NBEA: variants seen among roughly 807,000 people sequenced by gnomAD.
NBEA encodes the protein lysosomal-trafficking regulator 2.
A neutral mutation model predicts 343.4 loss-of-function variants in NBEA; 44 were observed. That is an observed-to-expected ratio of 0.13 (90% CI 0.10 to 0.16). The LOEUF (loss-of-function observed/expected upper bound fraction) is 0.16. Among genes scored for constraint, NBEA ranks in the 10% least tolerant of loss-of-function variants. The pLI is 1.00. For missense variants in NBEA, 2,555 were observed against 3,631.3 expected (o/e 0.70, Z 7.62); for synonymous variants, 1,175 against 1,238.7 (o/e 0.95, Z 1.08).
intron 36 of NBEA, among the ~76,000 whole-genome samples, chr13:35,347,923 G>C (rs1279074943): frequency 2.6e-5 from 4 of 151,970 alleles, no homozygotes; most frequent in Middle Eastern, 6.3e-3. Flanking sequence ...TGTGATGTGG[G>C]CTTCTCTCAG....
At chr13:35,424,845 T>C (rs1341436114) in intron 38 of NBEA, among the ~76,000 whole-genome samples, 5 of 152,212 alleles carry the variant, frequency 3.3e-5, no homozygotes, top group African/African-American at 1.2e-4. Flanking sequence ...GTAGGTCTAT[T>C]CAGAGATTCA....
intron 10 of NBEA, among the ~76,000 whole-genome samples, chr13:35,094,577 TTTTG>T (rs1384724720): frequency 6.6e-6 from 1 of 152,006 alleles, no homozygotes; most frequent in Non-Finnish European, 1.5e-5. Context: ...ATTGTGAGTT[TTTTG>T]TGTGTCACCG....
At chr13:35,165,980 C>T (rs935092230) in intron 24 of NBEA, among the ~76,000 whole-genome samples, 6 of 152,098 alleles carry the variant, frequency 3.9e-5, no homozygotes, top group Admixed American at 6.6e-5. Flanking sequence ...CCACTGCTCC[C>T]GGCCAACGTG....
chr13:35,288,483 A>G (rs2035585596), intron 34 of NBEA, among the ~76,000 whole-genome samples: 1 of 151,974 alleles, frequency 6.6e-6, no homozygotes, highest in African/African-American at 2.4e-5. Flanking sequence ...TACTGAGAGC[A>G]CTGTTTGCAA....
intron 8 of NBEA, among the ~76,000 whole-genome samples, chr13:35,064,091 A>G (rs528662421): frequency 1.9e-4 from 29 of 152,194 alleles, no homozygotes; most frequent in African/African-American, 6.7e-4. Context: ...ATCTAAATGT[A>G]AAAATGAAGA....
chr13:35,244,309 A>G (rs1029228057), intron 34 of NBEA, among the ~76,000 whole-genome samples: 14 of 151,918 alleles, frequency 9.2e-5, no homozygotes, highest in African/African-American at 2.9e-4. Context: ...AGAGATGAGG[A>G]TCAAGTTTTA....
chr13:35,625,745 A>G (rs1352353409), intron 48 of NBEA, among the ~76,000 whole-genome samples: 2 of 152,190 alleles, frequency 1.3e-5, no homozygotes, highest in African/African-American at 4.8e-5. Flanking sequence ...CAAAAGACCA[A>G]CAAGCATATT....
chr13:35,022,886 A>T (rs2061896072), intron 1 of NBEA, among the ~76,000 whole-genome samples: 1 of 152,146 alleles, frequency 6.6e-6, no homozygotes, highest in Non-Finnish European at 1.5e-5. Context: ...GGTGATTCTT[A>T]ATTATGTTTC....
intron 1 of NBEA, among the ~76,000 whole-genome samples, chr13:34,949,196 C>A (rs1463684402): frequency 6.6e-6 from 1 of 152,138 alleles, no homozygotes; most frequent in Non-Finnish European, 1.5e-5. Flanking sequence ...TGCCTCCTCA[C>A]CCAGTTTATT....
chr13:35,489,656 T>G (rs1327793462), intron 41 of NBEA, among the ~76,000 whole-genome samples: 2 of 151,926 alleles, frequency 1.3e-5, no homozygotes, highest in African/African-American at 2.4e-5. Context: ...TTTACGTTAC[T>G]TATTAGTCCC....
Position 35,513,838 on chromosome 13 carries a change from A to T in NBEA, c.6586-36639A>T, listed in dbSNP as rs987373867. ...TTTTAAATCATCCAGCTACTTTTTT[A>T]AAAAAACCTAAAATTCCCATTGGGT... On this transcript the variant is annotated intron_variant, in intron 41 of 58. Transcript: ENST00000379939. Among the ~76,000 whole-genome samples, 14 of 152,096 alleles carry T rather than the reference A, an allele frequency of 9.2e-5. No homozygotes were observed. In the East Asian group the frequency reaches 1.5e-3, roughly 17 times the overall value.
chr13:35,630,076 A>C (rs1296654756), intron 49 of NBEA, among the ~76,000 whole-genome samples: 2 of 152,288 alleles, frequency 1.3e-5, no homozygotes, highest in East Asian at 1.9e-4. Context: ...TAAATAAATT[A>C]AATACAAAAT....
intron 35 of NBEA, among the ~76,000 whole-genome samples, chr13:35,298,211 G>GTATATATA (rs72309538): frequency 5.8e-5 from 6 of 103,042 alleles, no homozygotes; most frequent in African/African-American, 2.2e-4. Flanking sequence ...GTGTGTGTGT[G>GTATATATA]TATATATATA....
chr13:35,383,151 T>A (rs764888462), intron 38 of NBEA, among the ~76,000 whole-genome samples: 1 of 152,072 alleles, frequency 6.6e-6, no homozygotes, highest in Non-Finnish European at 1.5e-5. Flanking sequence ...AGACATAGGC[T>A]TTAGTGGAGG....
At chr13:35,585,009 C>G (rs9565389) in intron 46 of NBEA, among the ~76,000 whole-genome samples, 19,900 of 151,258 alleles carry the variant, frequency 0.13, 1,420 homozygotes, top group East Asian at 0.28. Context: ...CTCTCCCCCC[C>G]TCCCTCATTC....
intron 35 of NBEA, among the ~76,000 whole-genome samples, chr13:35,297,110 A>G (rs574140679): frequency 1.6e-4 from 24 of 152,162 alleles, no homozygotes; most frequent in Admixed American, 1.2e-3. Flanking sequence ...ATTATTCAGC[A>G]TTCTCTCTTT....
At chr13:35,203,383 C>G (rs976635855) in intron 31 of NBEA, among the ~76,000 whole-genome samples, 1 of 152,142 alleles carries the variant, frequency 6.6e-6, no homozygotes, top group African/African-American at 2.4e-5. Flanking sequence ...TCAGTGTTCT[C>G]TCAAATACTA....
At chr13:35,098,490 C>G in intron 11 of NBEA, 85 bp downstream of exon 11, 1 of 934,674 alleles carries the variant, frequency 1.1e-6, no homozygotes, top group Admixed American at 2.1e-5. Flanking sequence ...TGTAATTTCA[C>G]TTTCCATTGA....
chr13:35,160,056 A>G (rs1483857030), intron 22 of NBEA, 24 bp downstream of exon 22: 1 of 1,499,924 alleles, frequency 6.7e-7, no homozygotes, highest in African/African-American at 1.4e-5. Context: ...TATGAGTTCT[A>G]GAAATAAATA....
Sources: allele counts gnomAD v4.1 joint callset (sites outside exome capture counted in the v4.1 genomes callset), GRCh38; gene constraint gnomAD v4.1.1; transcripts MANE v1.5; gene names NCBI Gene and HGNC (gene_info 2026-07-23, HGNC 2026-07-21).